CHMP1A: variants seen among roughly 807,000 people sequenced by gnomAD.
The protein encoded by CHMP1A is charged multivesicular body protein 1A, also known as VPS46 homolog A.
In CHMP1A, 17 loss-of-function variants were observed where a neutral mutation model predicts 27.0. That is an observed-to-expected ratio of 0.63 (90% CI 0.43 to 0.95). The LOEUF (loss-of-function observed/expected upper bound fraction) is 0.95, where lower values mean the gene tolerates loss of function less well. CHMP1A is among the 40% of genes least tolerant of loss of function. The pLI is 0.00. For missense variants in CHMP1A, 275 were observed against 264.0 expected (o/e 1.04, Z -0.29); for synonymous variants, 131 against 107.5 (o/e 1.22, Z -1.35).
rs915119561 is a variant in CHMP1A at position 89,653,789 on chromosome 16, G to C, written c.27+115C>G. On this transcript the variant is annotated intron_variant, in intron 2 of 6. Coordinates refer to ENST00000397901, the MANE Select transcript of CHMP1A (RefSeq NM_002768.5). ...TCAGCAGTCTGAGCCCTGTGTGGCG[G>C]TCACTCAACTGTTATATAATCTGCC... 12 of 1,074,718 alleles carry C rather than the reference G, an allele frequency of 1.1e-5. No individual in the cohort carries two copies. In the East Asian group the frequency reaches 2.6e-4, roughly 23 times the overall value. The allele number at this position is 1,074,718 out of a possible 1,614,324, so 66.6% of individuals were successfully genotyped here. A position where few individuals can be genotyped will look rare whatever the true frequency, so the allele number is the denominator to read the frequency against.
chr16:89,653,732 T>A (rs567826181), intron 2 of CHMP1A, among the ~76,000 whole-genome samples, 172 bp downstream of exon 2: 2 of 151,852 alleles, frequency 1.3e-5, no homozygotes, highest in South Asian at 4.2e-4. Flanking sequence ...AGCTAATATG[T>A]CACCAAGGTG....
intron 3 of CHMP1A, among the ~76,000 whole-genome samples, chr16:89,650,612 C>T (rs2059816749): frequency 6.6e-6 from 1 of 152,148 alleles, no homozygotes. Flanking sequence ...TTGACACCAG[C>T]CTGGCCAACA....
Position 89,647,206 on chromosome 16 carries a change from T to C in CHMP1A, c.378A>G (p.Thr126=), listed in dbSNP as rs763821334. ...EQQVQNLDVH[T]SVMEDSMSSA... Reference sequence around the variant, plus strand: ...CCCAAGGGTAGGGGCCACATACCGATGTATGGACGTCCAGGTTCTGCACCT... The same window carrying C: ...CCCAAGGGTAGGGGCCACATACCGACGTATGGACGTCCAGGTTCTGCACCT... The change falls in exon 5 of 7, where the codon ACA becomes ACG. Residue 126 remains threonine, a synonymous_variant. Transcript: ENST00000397901. 1.9e-5 allele frequency: 30 copies of C among 1,608,756 alleles called. No homozygotes were observed. Among genetic ancestry groups the C allele is most frequent in the African/African-American group, 1.3e-4 (10 of 74,834 alleles).
At chr16:89,655,356 C>G (rs904404430) in intron 1 of CHMP1A, among the ~76,000 whole-genome samples, 5 of 122,702 alleles carry the variant, frequency 4.1e-5, no homozygotes, top group East Asian at 4.0e-4. Context: ...CCAAACCGCC[C>G]TCCTCATCTC....
At position 89,649,443 on chromosome 16, in the gene CHMP1A, G is replaced by A. The variant is rs185258649; in HGVS notation, c.160C>T (p.Arg54Cys). Reference sequence around the variant, plus strand: ...CAGTTCACACCTTCGTTCTTCTTGCGGATGGCGTTCTCGGCATACACACGG... The same window carrying A: ...CAGTTCACACCTTCGTTCTTCTTGCAGATGGCGTTCTCGGCATACACACGG... ...CARVYAENAI[R>C]KKNEGVNWLR... Residue 54 changes from arginine (R) to cysteine (C), a missense_variant, in exon 4 of 7, where the codon CGC (arginine) becomes TGC (cysteine). Arg to Cys is a radical substitution (Grantham distance 180). Transcript: ENST00000397901. The A allele has an allele frequency of 6.3e-5, 101 of 1,613,740 alleles. No homozygotes were observed. The highest frequency in any genetic ancestry group is 3.3e-4 in the East Asian group (15 of 44,882).
intron 2 of CHMP1A, among the ~76,000 whole-genome samples, chr16:89,653,024 T>TCTTTTC (rs1349970091): frequency 7.2e-6 from 1 of 139,340 alleles, no homozygotes; most frequent in East Asian, 2.3e-4. Context: ...TCTTTTCTTT[T>TCTTTTC]TTTTTTTTTT....
rs2059765347 is a variant in CHMP1A at position 89,645,291 on chromosome 16, T to C, written c.*775A>G. The stretch of plus-strand genomic sequence containing the variant: ...CGCACCCGCTGGGACCGCAGCCTGC[T>C]GGTGGACAGGCTCCCTGTCGAGGAG... On this transcript the variant is annotated 3_prime_UTR_variant, in exon 7 of 7. Transcript: ENST00000397901. 1 of 152,638 alleles carries C rather than the reference T, an allele frequency of 6.6e-6. No homozygotes were observed. The highest frequency in any genetic ancestry group is 1.5e-5 in the Non-Finnish European group (1 of 68,336). The allele number at this position is 152,638 out of a possible 1,614,324, so 9.5% of individuals were successfully genotyped here. A position where few individuals can be genotyped will look rare whatever the true frequency, so the allele number is the denominator to read the frequency against.
chr16:89,651,271 G>A (rs535229872), intron 3 of CHMP1A, among the ~76,000 whole-genome samples: 9 of 151,408 alleles, frequency 5.9e-5, no homozygotes, highest in East Asian at 5.8e-4. Flanking sequence ...CGTGTGAGGC[G>A]AAGGCCCTAG....
Position 89,644,504 on chromosome 16 carries a change from T to A in CHMP1A, c.*1562A>T, listed in dbSNP as rs1171865880. Reference sequence around the variant, plus strand: ...AAGGTGAATGGGCCCCTCTCCTCAGTGCCCAAGGGGACAGGACTGAGGCAG... The same window carrying A: ...AAGGTGAATGGGCCCCTCTCCTCAGAGCCCAAGGGGACAGGACTGAGGCAG... On this transcript the variant is annotated 3_prime_UTR_variant, in exon 7 of 7. Transcript: ENST00000397901. 1 of 152,250 alleles carries A rather than the reference T, an allele frequency of 6.6e-6. No individual in the cohort carries two copies. The highest frequency in any genetic ancestry group is 1.5e-5 in the Non-Finnish European group (1 of 68,052). The allele number at this position is 152,250 out of a possible 1,614,324, so 9.4% of individuals were successfully genotyped here.
chr16:89,645,532 A>C lies in CHMP1A; in HGVS notation c.*534T>G, dbSNP rs1389635249. 1 of 190,736 alleles carries C rather than the reference A, an allele frequency of 5.2e-6. No individual in the cohort carries two copies. Among genetic ancestry groups the C allele is most frequent in the Non-Finnish European group, 1.1e-5 (1 of 91,152 alleles). 11.8% of individuals were successfully genotyped at this position (190,736 alleles called of 1,614,324 possible). On this transcript the variant is annotated 3_prime_UTR_variant, in exon 7 of 7. Transcript: ENST00000397901. ...CGGCCGAGACACCACCCCTGGAGTG[A>C]TGGAGGAGGAGGATGTCATTGTAAA... is the stretch of plus-strand genomic sequence containing the variant.
intron 5 of CHMP1A, 192 bp downstream of exon 5, chr16:89,647,011 C>T: frequency 1.3e-6 from 2 of 1,498,390 alleles, no homozygotes; most frequent in South Asian, 2.5e-5. Flanking sequence ...CTGCAGGAGG[C>T]CCCCGCCGCC....
intron 3 of CHMP1A, 22 bp from the exon 4 acceptor site, chr16:89,649,519 A>C: frequency 6.2e-7 from 1 of 1,613,098 alleles, no homozygotes; most frequent in Non-Finnish European, 8.5e-7. Context: ...GGGGGAAAGC[A>C]GCTGGAAGAG....
At chr16:89,650,735 G>T (rs2059817661) in intron 3 of CHMP1A, among the ~76,000 whole-genome samples, 1 of 152,034 alleles carries the variant, frequency 6.6e-6, no homozygotes, top group South Asian at 2.1e-4. Flanking sequence ...GAACCCAGGA[G>T]GCAGAGGTTG....
chr16:89,651,741 C>T, intron 2 of CHMP1A, 95 bp from the exon 3 acceptor site: 1 of 1,221,244 alleles, frequency 8.2e-7, no homozygotes, highest in South Asian at 1.4e-5. Flanking sequence ...ACACCTGTGC[C>T]CACACAGGTT....
chr16:89,656,085 A>C (rs1394044646), intron 1 of CHMP1A, among the ~76,000 whole-genome samples: 2 of 152,134 alleles, frequency 1.3e-5, no homozygotes, highest in East Asian at 1.9e-4. Flanking sequence ...AAATCTCTAC[A>C]CATTTCCTTC....
intron 2 of CHMP1A, among the ~76,000 whole-genome samples, chr16:89,652,004 C>T (rs912247979): frequency 2.0e-5 from 3 of 152,198 alleles, no homozygotes; most frequent in Non-Finnish European, 2.9e-5. Flanking sequence ...GGCTTTTCAA[C>T]GTCAAAGAAA....
intron 2 of CHMP1A, among the ~76,000 whole-genome samples, chr16:89,652,167 G>C (rs1278829899): frequency 6.6e-6 from 1 of 152,240 alleles, no homozygotes; most frequent in African/African-American, 2.4e-5. Context: ...TGCTCTGCCA[G>C]CACCACACGG....
chr16:89,655,356 CTCCTCATCTCAGCTTT>C (rs2059856075), intron 1 of CHMP1A, among the ~76,000 whole-genome samples: 2 of 122,702 alleles, frequency 1.6e-5, no homozygotes, highest in Non-Finnish European at 3.5e-5. Flanking sequence ...CCAAACCGCC[CTCCTCATCTCAGCTTT>C]CCCTCACCTC....
intron 1 of CHMP1A, among the ~76,000 whole-genome samples, chr16:89,656,956 C>G (rs911049437): frequency 7.0e-6 from 1 of 142,520 alleles, no homozygotes; most frequent in East Asian, 2.1e-4. Flanking sequence ...GTCTAGGTCC[C>G]GGGTCCATGG....
Sources: allele counts gnomAD v4.1 joint callset (sites outside exome capture counted in the v4.1 genomes callset), GRCh38; gene constraint gnomAD v4.1.1; transcripts MANE v1.5; gene names NCBI Gene and HGNC (gene_info 2026-07-23, HGNC 2026-07-21).